TG: variants seen among roughly 807,000 people sequenced by gnomAD.
TG encodes thyroglobulin.
A neutral mutation model predicts 324.7 loss-of-function variants in TG; 270 were observed. The ratio of observed to expected loss-of-function variants is 0.83; its 90% CI spans 0.75 to 0.92. The LOEUF (loss-of-function observed/expected upper bound fraction) is 0.92, where lower values mean the gene tolerates loss of function less well. TG is among the 40% of genes least tolerant of loss of function. TG has a pLI of 0.00. For missense variants in TG, 3,591 were observed against 3,456.4 expected, an observed-to-expected ratio of 1.04 and a Z score of -0.98; for synonymous variants, 1,401 against 1,327.0, an observed-to-expected ratio of 1.06 and a Z score of -1.21.
intron 26 of TG, among the ~76,000 whole-genome samples, chr8:132,946,675 A>G (rs1312423506): frequency 6.6e-6 from 1 of 152,044 alleles, no homozygotes; most frequent in African/African-American, 2.4e-5. Flanking sequence ...GTTTCCACTG[A>G]GAGTTATTAA....
intron 41 of TG, chr8:133,060,401 A>C: frequency 6.6e-7 from 1 of 1,512,450 alleles, no homozygotes. Flanking sequence ...GAATGACAGA[A>C]AAACCACAGA....
chr8:132,916,486 A>G (rs999828874), intron 20 of TG, among the ~76,000 whole-genome samples: 4 of 152,226 alleles, frequency 2.6e-5, no homozygotes, highest in African/African-American at 9.6e-5. Context: ...TATCTGGGAC[A>G]TGGCCTTGAT....
chr8:132,975,428 C>G (rs947516545), intron 34 of TG, among the ~76,000 whole-genome samples: 3 of 152,208 alleles, frequency 2.0e-5, no homozygotes, highest in African/African-American at 7.2e-5. Flanking sequence ...CTCATTCCAT[C>G]TGTTCTTTTT....
chr8:132,970,179 C>T (rs1255179987), intron 32 of TG, among the ~76,000 whole-genome samples: 1 of 151,986 alleles, frequency 6.6e-6, no homozygotes, highest in Admixed American at 6.5e-5. Context: ...GAAATTTTAA[C>T]AGACTCATAT....
intron 45 of TG, 31 bp downstream of exon 45, chr8:133,116,747 A>T: frequency 1.3e-6 from 2 of 1,586,038 alleles, no homozygotes; most frequent in Non-Finnish European, 1.7e-6. Context: ...AGAGAAAGGA[A>T]GGTAAAACCG....
intron 12 of TG, 72 bp downstream of exon 12, chr8:132,897,858 C>A: frequency 6.3e-7 from 1 of 1,577,160 alleles, no homozygotes; most frequent in Non-Finnish European, 8.7e-7. Flanking sequence ...GAGCCCCACA[C>A]TGGGAGGCAA....
Position 132,882,586 on chromosome 8 carries a change from A to T in TG, c.863A>T (p.Gln288Leu), listed in dbSNP as rs1814794574. Residue 288 changes from glutamine (Q) to leucine (L), a missense_variant, in exon 7 of 48, where the codon CAA becomes CTA. Coordinates refer to ENST00000220616, the MANE Select transcript of TG (RefSeq NM_003235.5). The stretch of plus-strand genomic sequence containing the variant: ...CTGCAGAGACGGTTCCTCGCAGTTC[A>T]ATCAGTCATCTCTGGCAGATTCCGA... The part of the protein sequence containing the change: ...RILQRRFLAV[Q>L]SVISGRFRCP... 4 of 1,614,226 alleles carry T rather than the reference A, an allele frequency of 2.5e-6. No individual in the cohort carries two copies. Among genetic ancestry groups the T allele is most frequent in the Non-Finnish European group, 3.4e-6 (4 of 1,180,026 alleles).
At position 133,116,112 on chromosome 8, in the gene TG, C is replaced by G. The variant is rs182341986; in HGVS notation, c.7755-497C>G. On this transcript the variant is annotated intron_variant, in intron 44 of 47. Coordinates refer to ENST00000220616, the MANE Select transcript of TG (RefSeq NM_003235.5). ...GGAGGTAGAGATGGGGTGGCAAAAT[C>G]TCGCCTGCTGAGAGCCCCTGGGCTG... Among the ~76,000 whole-genome samples the G allele has an allele frequency of 3.5e-4, 54 of 152,170 alleles. No homozygotes were observed. In the East Asian group the frequency reaches 8.7e-3, roughly 25 times the overall value.
intron 41 of TG, among the ~76,000 whole-genome samples, chr8:133,067,702 T>A (rs1289773800): frequency 6.6e-6 from 1 of 151,588 alleles, no homozygotes; most frequent in Non-Finnish European, 1.5e-5. Flanking sequence ...CTTGAACCCG[T>A]GAGGCAGAGG....
At chr8:133,038,707 G>A (rs1208736092) in intron 41 of TG, 1 of 1,614,074 alleles carries the variant, frequency 6.2e-7, no homozygotes, top group Non-Finnish European at 8.5e-7. Context: ...CCCCAAGCGG[G>A]TTCTCTGTTC....
In TG at chr8:132,972,517, G is replaced by T. The variant is rs371871053; in HGVS notation, c.6056-81G>T. On this transcript the variant is annotated intron_variant, in intron 33 of 47. Transcript: ENST00000220616. ...ATGTCTGCTGAACAATGTACTTGCAGAATTTTTCTCATTTATTAGACTCTT... is the reference window on the plus strand; with the variant it reads ...ATGTCTGCTGAACAATGTACTTGCATAATTTTTCTCATTTATTAGACTCTT... The T allele has an allele frequency of 1.3e-4, 202 of 1,527,140 alleles. 2 individuals are homozygous for T. Among genetic ancestry groups the T allele is most frequent in the East Asian group, 1.1e-3 (51 of 44,532 alleles). 94.6% of individuals were successfully genotyped at this position (1,527,140 alleles called of 1,614,324 possible). A position where few individuals can be genotyped will look rare whatever the true frequency, so the allele number is the denominator to read the frequency against.
chr8:133,064,937 C>G (rs1487333618), intron 41 of TG, among the ~76,000 whole-genome samples: 2 of 152,158 alleles, frequency 1.3e-5, no homozygotes, highest in African/African-American at 4.8e-5. Flanking sequence ...GAAGTCCAAC[C>G]AAGGGAAGGC....
At position 133,012,006 on chromosome 8, in the gene TG, T is replaced by A. The variant is rs781688385; in HGVS notation, c.6368T>A (p.Phe2123Tyr). The change falls in exon 36 of 48, where the codon TTC becomes TAC. Residue 2123 changes from phenylalanine to tyrosine, a missense_variant. Physicochemically the swap from Phe to Tyr is conservative, Grantham distance 22. Coordinates refer to ENST00000220616, the MANE Select transcript of TG (RefSeq NM_003235.5). ...GTCAGCACTGCTGCCACCAGCAATTTCTCTGCTGTCCGAGACCTCTGTTTG... is the reference window on the plus strand; with the variant it reads ...GTCAGCACTGCTGCCACCAGCAATTACTCTGCTGTCCGAGACCTCTGTTTG... The part of the protein sequence containing the change: ...AHVSTAATSN[F>Y]SAVRDLCLSE... 1 of 1,614,208 alleles carries A rather than the reference T, an allele frequency of 6.2e-7. No homozygotes were observed. The highest frequency in any genetic ancestry group is 8.5e-7 in the Non-Finnish European group (1 of 1,180,040).
At chr8:133,097,409 C>G (rs1415297340) in intron 43 of TG, among the ~76,000 whole-genome samples, 3 of 152,146 alleles carry the variant, frequency 2.0e-5, no homozygotes, top group African/African-American at 7.2e-5. Flanking sequence ...AAATTGGAAG[C>G]AACTCAAATG....
intron 14 of TG, among the ~76,000 whole-genome samples, chr8:132,900,018 C>T (rs766271257): frequency 6.6e-6 from 1 of 152,200 alleles, no homozygotes; most frequent in Non-Finnish European, 1.5e-5. Context: ...AGCGGGAGAA[C>T]TGTGGTCCAT....
intron 45 of TG, among the ~76,000 whole-genome samples, chr8:133,128,681 A>G (rs936626685): frequency 3.9e-5 from 6 of 152,158 alleles, no homozygotes; most frequent in African/African-American, 1.2e-4. Context: ...CTGCCTTTCC[A>G]TGTGACAAGG....
intron 35 of TG, among the ~76,000 whole-genome samples, chr8:132,987,083 T>G (rs2896681): frequency 6.6e-6 from 1 of 151,360 alleles, no homozygotes; most frequent in African/African-American, 2.4e-5. Flanking sequence ...AGATGGAGCA[T>G]GGAGCATGTC....
intron 34 of TG, 29 bp downstream of exon 34, chr8:132,972,770 G>A: frequency 6.2e-7 from 1 of 1,613,768 alleles, no homozygotes; most frequent in Non-Finnish European, 8.5e-7. Flanking sequence ...ACAGCTATAT[G>A]GACGTCTTTA....
At chr8:133,042,244 G>T (rs958833018) in intron 41 of TG, among the ~76,000 whole-genome samples, 1 of 152,142 alleles carries the variant, frequency 6.6e-6, no homozygotes, top group African/African-American at 2.4e-5. Context: ...ACATCCTCCA[G>T]CTGTCTCTTG....
Sources: gnomAD v4.1 joint callset for allele counts (sites outside exome capture counted in the v4.1 genomes callset) on GRCh38, gnomAD v4.1.1 for gene constraint, MANE v1.5 for transcripts, NCBI Gene and HGNC (gene_info 2026-07-23, HGNC 2026-07-21) for gene names.